GTF2E2: variants seen among roughly 807,000 people sequenced by gnomAD.
The protein encoded by GTF2E2 is general transcription factor IIE subunit 2, also known as transcription initiation factor IIE subunit beta.
In GTF2E2, 21 loss-of-function variants were observed where a neutral mutation model predicts 40.5. That is an observed-to-expected ratio of 0.52 (90% CI 0.37 to 0.75). GTF2E2 has a LOEUF of 0.75. Among genes scored for constraint, GTF2E2 ranks in the 30% least tolerant of loss-of-function variants. GTF2E2 has a pLI of 0.00. For synonymous variants in GTF2E2, 117 were observed against 121.6 expected (o/e 0.96, Z 0.25); for missense variants, 298 against 338.4 (o/e 0.88, Z 0.94).
intron 2 of GTF2E2, among the ~76,000 whole-genome samples, chr8:30,638,319 A>G (rs1481907518): frequency 1.7e-4 from 26 of 152,212 alleles, no homozygotes; most frequent in Admixed American, 1.7e-3. Flanking sequence ...TGAAGTATTC[A>G]CTGAAGGATC....
At chr8:30,623,304 T>A (rs1801168113) in intron 3 of GTF2E2, among the ~76,000 whole-genome samples, 1 of 152,098 alleles carries the variant, frequency 6.6e-6, no homozygotes, top group Non-Finnish European at 1.5e-5. Context: ...TGTTTGGTTT[T>A]TCGTCCTTGC....
intron 3 of GTF2E2, among the ~76,000 whole-genome samples, chr8:30,618,689 T>C (rs566247905): frequency 5.3e-5 from 8 of 152,336 alleles, no homozygotes; most frequent in African/African-American, 1.4e-4. Context: ...TCTATGATTA[T>C]AGCAGCTATT....
intron 2 of GTF2E2, among the ~76,000 whole-genome samples, chr8:30,647,363 C>G (rs1391061454): frequency 6.6e-6 from 1 of 152,110 alleles, no homozygotes; most frequent in African/African-American, 2.4e-5. Flanking sequence ...GGTGGATCAC[C>G]TGAGGTCAGG....
intron 2 of GTF2E2, among the ~76,000 whole-genome samples, chr8:30,640,793 C>T (rs1433455042): frequency 6.6e-6 from 1 of 152,120 alleles, no homozygotes; most frequent in African/African-American, 2.4e-5. Flanking sequence ...CAACCTCTGC[C>T]GCCCAGGTTC....
chr8:30,580,322 G>A lies in GTF2E2; in HGVS notation c.718C>T (p.Gln240Ter). ...GATTCCTGCATGGAAGAAATACCCT[G>A]TCGCTTCAGATATTCTTCAATTTTC... ...EEKIEEYLKR[Q>*]GISSMQESGP... Residue 240 changes from glutamine to a stop codon, truncating the protein, a stop_gained, in exon 7 of 8, where the codon CAG becomes TAG. Transcript: ENST00000355904. LOFTEE classifies it high-confidence loss of function. 1 of 1,610,242 alleles carries A rather than the reference G, an allele frequency of 6.2e-7. No homozygotes were observed. Among genetic ancestry groups the A allele is most frequent in the Non-Finnish European group, 8.5e-7 (1 of 1,176,432 alleles).
rs1044098727 is a variant in GTF2E2 at position 30,650,888 on chromosome 8, C to T, written c.166+2545G>A. ...AATTAGCCAGCCATGGCGATGGGTG[C>T]CTGTAGTCCCAGCTACTAGGGAGGC... On this transcript the variant is annotated intron_variant, in intron 2 of 7. Coordinates refer to ENST00000355904, the MANE Select transcript of GTF2E2 (RefSeq NM_002095.6). Among the ~76,000 whole-genome samples, 24 of 151,966 alleles carry T rather than the reference C, an allele frequency of 1.6e-4. 1 individual carries two copies. The South Asian group carries it at 2.5e-3, about 16-fold the overall frequency.
chr8:30,604,672 G>A (rs770448010), intron 6 of GTF2E2, among the ~76,000 whole-genome samples: 7 of 152,212 alleles, frequency 4.6e-5, no homozygotes, highest in East Asian at 3.9e-4. Flanking sequence ...CACAAGACAC[G>A]GAACACATAT....
intron 6 of GTF2E2, among the ~76,000 whole-genome samples, chr8:30,590,398 C>T (rs866270161): frequency 6.6e-6 from 1 of 152,266 alleles, no homozygotes; most frequent in Admixed American, 6.5e-5. Flanking sequence ...AGTATAAATA[C>T]CCATTAATTT....
chr8:30,608,745 G>A (rs1829394534), intron 5 of GTF2E2, among the ~76,000 whole-genome samples: 1 of 152,122 alleles, frequency 6.6e-6, no homozygotes. Flanking sequence ...AGGATCATTT[G>A]GGGTCAGGAG....
At chr8:30,651,977 T>C (rs1015945130) in intron 2 of GTF2E2, among the ~76,000 whole-genome samples, 2 of 152,172 alleles carry the variant, frequency 1.3e-5, no homozygotes, top group East Asian at 1.9e-4. Context: ...AGGGGAAAGA[T>C]CATCATTTCA....
At chr8:30,644,750 ATTTT>A (rs5890531) in intron 2 of GTF2E2, among the ~76,000 whole-genome samples, 4 of 141,480 alleles carry the variant, frequency 2.8e-5, no homozygotes, top group Non-Finnish European at 3.1e-5. Flanking sequence ...CGGTATATGA[ATTTT>A]TTTTTTTTTT....
chr8:30,637,107 G>T, intron 2 of GTF2E2: 1 of 409,206 alleles, frequency 2.4e-6, no homozygotes, highest in Non-Finnish European at 4.8e-6. Flanking sequence ...GCAGAGTATA[G>T]ATTCAAATCC....
At chr8:30,599,891 A>G (rs1585949853) in intron 6 of GTF2E2, among the ~76,000 whole-genome samples, 1 of 151,816 alleles carries the variant, frequency 6.6e-6, no homozygotes, top group Non-Finnish European at 1.5e-5. Context: ...GCTGAGGCAG[A>G]AGAATCGCTT....
At chr8:30,592,537 T>A (rs1183747955) in intron 6 of GTF2E2, among the ~76,000 whole-genome samples, 1 of 152,204 alleles carries the variant, frequency 6.6e-6, no homozygotes, top group Non-Finnish European at 1.5e-5. Flanking sequence ...CTCATACAGA[T>A]ACCAAAATCT....
chr8:30,595,992 C>T (rs935363561), intron 6 of GTF2E2, among the ~76,000 whole-genome samples: 2 of 152,238 alleles, frequency 1.3e-5, no homozygotes, highest in Non-Finnish European at 1.5e-5. Context: ...TTTCGGTCTG[C>T]ATGGGTTCTA....
intron 6 of GTF2E2, among the ~76,000 whole-genome samples, chr8:30,604,331 C>T (rs1829261803): frequency 6.6e-6 from 1 of 151,978 alleles, no homozygotes; most frequent in Admixed American, 6.6e-5. Context: ...TACATTTCAC[C>T]ATATATTAAA....
chr8:30,582,803 G>A (rs746592540), intron 6 of GTF2E2, among the ~76,000 whole-genome samples: 3 of 152,190 alleles, frequency 2.0e-5, no homozygotes, highest in Non-Finnish European at 2.9e-5. Context: ...CCCGGTAAAC[G>A]CTGACCATCA....
chr8:30,635,538 A>G (rs1801570903), intron 2 of GTF2E2, among the ~76,000 whole-genome samples: 1 of 152,026 alleles, frequency 6.6e-6, no homozygotes, highest in African/African-American at 2.4e-5. Context: ...GCACACCACC[A>G]TGCCTGGCTA....
chr8:30,637,617 G>A (rs532896666), intron 2 of GTF2E2, among the ~76,000 whole-genome samples: 2 of 152,056 alleles, frequency 1.3e-5, no homozygotes, highest in Admixed American at 6.6e-5. Context: ...TCTGCCATTC[G>A]GGTTCAAGCA....
Sources: allele counts gnomAD v4.1 joint callset (sites outside exome capture counted in the v4.1 genomes callset), GRCh38; gene constraint gnomAD v4.1.1; transcripts MANE v1.5; gene names NCBI Gene and HGNC (gene_info 2026-07-23, HGNC 2026-07-21).